CFAP299: variants seen among roughly 807,000 people sequenced by gnomAD.
The protein encoded by CFAP299 is cilia and flagella associated protein 299.
Under a neutral mutation model 27.0 loss-of-function variants are expected in CFAP299, and 21 were observed. The observed-to-expected ratio is 0.78, with a 90% CI of 0.55 to 1.12. The LOEUF (loss-of-function observed/expected upper bound fraction) is 1.12, where lower values mean the gene tolerates loss of function less well. Ranked by LOEUF, CFAP299 falls within the 50% of genes most tolerant of loss-of-function variation. The probability of loss-of-function intolerance (pLI) is 0.00; values close to 1 mark genes in which losing one functional copy is unlikely to be tolerated. For synonymous variants in CFAP299, 104 were observed against 98.1 expected (o/e 1.06, Z -0.36); for missense variants, 310 against 276.6 (o/e 1.12, Z -0.86).
chr4:80,331,696 C>G (rs1191882233), upstream of CFAP299, among the ~76,000 whole-genome samples: 1 of 152,080 alleles, frequency 6.6e-6, no homozygotes, highest in Non-Finnish European at 1.5e-5. Context: ...GGAGGAGGAA[C>G]AAATTAGGAG....
At chr4:80,834,016 G>T (rs768229286) in intron 3 of CFAP299, among the ~76,000 whole-genome samples, 1 of 152,192 alleles carries the variant, frequency 6.6e-6, no homozygotes, top group African/African-American at 2.4e-5. Flanking sequence ...AAAAGGTGAA[G>T]TTCCTTAAAT....
chr4:80,939,539 T>C (rs1737087287), intron 4 of CFAP299, among the ~76,000 whole-genome samples: 1 of 152,182 alleles, frequency 6.6e-6, no homozygotes, highest in Non-Finnish European at 1.5e-5. Flanking sequence ...TCTCACTTTG[T>C]TTATGTACTG....
intron 1 of CFAP299, among the ~76,000 whole-genome samples, chr4:80,346,205 T>G (rs1422295736): frequency 6.6e-6 from 1 of 152,226 alleles, no homozygotes; most frequent in African/African-American, 2.4e-5. Context: ...TTGCAAAAAT[T>G]TTCTTCCATT....
intron 3 of CFAP299, among the ~76,000 whole-genome samples, chr4:80,626,041 A>G (rs1156442521): frequency 6.6e-6 from 1 of 151,952 alleles, no homozygotes; most frequent in Non-Finnish European, 1.5e-5. Context: ...AGTGGACATA[A>G]CAAATATATG....
At chr4:80,873,833 A>G (rs1361390026) in intron 4 of CFAP299, among the ~76,000 whole-genome samples, 1 of 152,210 alleles carries the variant, frequency 6.6e-6, no homozygotes, top group Non-Finnish European at 1.5e-5. Flanking sequence ...CCCATCCCTC[A>G]GATAGGATAA....
intron 5 of CFAP299, among the ~76,000 whole-genome samples, chr4:80,961,480 A>T (rs761101088): frequency 7.2e-5 from 11 of 151,818 alleles, no homozygotes; most frequent in Non-Finnish European, 1.6e-4. Context: ...TTTTATGATT[A>T]TTTGATTTAT....
rs115444160 is a variant in CFAP299, at chr4:80,533,380, T to A, written c.243-49713T>A. ...ACTAGTAAACACAGGTGTGGAATTCTAGGATTCCTTTTTATAAGTTCTTTT... is the reference window on the plus strand; with the variant it reads ...ACTAGTAAACACAGGTGTGGAATTCAAGGATTCCTTTTTATAAGTTCTTTT... On this transcript the variant is annotated intron_variant, in intron 2 of 5. Coordinates refer to ENST00000358105, the MANE Select transcript of CFAP299 (RefSeq NM_152770.3). Among the ~76,000 whole-genome samples the A allele has an allele frequency of 6.4e-3, 969 of 152,362 alleles. 12 individuals are homozygous for A. The highest frequency in any genetic ancestry group is 0.022 in the African/African-American group (918 of 41,586).
At chr4:80,530,836 G>T (rs1338810159) in intron 2 of CFAP299, among the ~76,000 whole-genome samples, 1 of 152,194 alleles carries the variant, frequency 6.6e-6, no homozygotes, top group South Asian at 2.1e-4. Flanking sequence ...CATGTGCAAA[G>T]ACCTTGAGGT....
At chr4:80,900,246 G>A (rs1487529786) in intron 4 of CFAP299, among the ~76,000 whole-genome samples, 1 of 151,584 alleles carries the variant, frequency 6.6e-6, no homozygotes, top group Non-Finnish European at 1.5e-5. Flanking sequence ...GGATGCATAG[G>A]AGCACAAGGA....
intron 1 of CFAP299, among the ~76,000 whole-genome samples, chr4:80,353,720 C>T (rs958464840): frequency 6.6e-6 from 1 of 152,044 alleles, no homozygotes; most frequent in African/African-American, 2.4e-5. Context: ...AGTATCTACA[C>T]TATCTGTGAT....
intron 3 of CFAP299, among the ~76,000 whole-genome samples, chr4:80,686,689 T>G (rs191083366): frequency 6.6e-6 from 1 of 152,298 alleles, no homozygotes; most frequent in East Asian, 1.9e-4. Flanking sequence ...TAATCTTTCT[T>G]TGGTGCTTAA....
intron 3 of CFAP299, among the ~76,000 whole-genome samples, chr4:80,798,035 C>A (rs941013836): frequency 6.6e-6 from 1 of 152,154 alleles, no homozygotes; most frequent in Non-Finnish European, 1.5e-5. Flanking sequence ...TACATTCCTT[C>A]CACCATTATC....
chr4:80,404,968 A>C (rs1053319338), intron 2 of CFAP299, among the ~76,000 whole-genome samples: 1 of 152,094 alleles, frequency 6.6e-6, no homozygotes, highest in Admixed American at 6.6e-5. Context: ...TTTAATAGTA[A>C]CCATTCTGAT....
At chr4:80,879,773 G>T (rs1346897807) in intron 4 of CFAP299, among the ~76,000 whole-genome samples, 1 of 152,126 alleles carries the variant, frequency 6.6e-6, no homozygotes. Context: ...TAATGAAATG[G>T]GTTAATGGCA....
chr4:80,847,407 TG>T (rs1731246295), intron 3 of CFAP299, among the ~76,000 whole-genome samples: 1 of 152,180 alleles, frequency 6.6e-6, no homozygotes, highest in Non-Finnish European at 1.5e-5. Context: ...CTCTCCTTTT[TG>T]GGTTCTGATA....
chr4:80,674,590 TCTC>T (rs1157113443), intron 3 of CFAP299, among the ~76,000 whole-genome samples: 2 of 152,222 alleles, frequency 1.3e-5, no homozygotes, highest in Non-Finnish European at 2.9e-5. Context: ...TTGCAGAAGT[TCTC>T]CTGGATAATA....
intron 3 of CFAP299, among the ~76,000 whole-genome samples, chr4:80,634,379 G>A (rs561722070): frequency 5.3e-5 from 8 of 152,112 alleles, no homozygotes; most frequent in South Asian, 2.1e-4. Flanking sequence ...CAACTTCTTC[G>A]GCAATTTACT....
chr4:80,915,666 CAT>C (rs1735707895), intron 4 of CFAP299, among the ~76,000 whole-genome samples: 3 of 152,036 alleles, frequency 2.0e-5, no homozygotes, highest in South Asian at 2.1e-4. Flanking sequence ...TCCAATTACA[CAT>C]GTTATCCTAC....
intron 3 of CFAP299, among the ~76,000 whole-genome samples, chr4:80,766,783 T>C (rs900513632): frequency 6.6e-6 from 1 of 152,236 alleles, no homozygotes; most frequent in Admixed American, 6.5e-5. Flanking sequence ...ACTAAAATTT[T>C]GCCAGATCTC....
Sources: gnomAD v4.1 joint callset for allele counts (sites outside exome capture counted in the v4.1 genomes callset) on GRCh38, gnomAD v4.1.1 for gene constraint, MANE v1.5 for transcripts, NCBI Gene and HGNC (gene_info 2026-07-23, HGNC 2026-07-21) for gene names.